The following CSF1R variants were observed in gnomAD, a reference collection of about 807,000 sequenced individuals.
CSF1R encodes colony stimulating factor 1 receptor.
A neutral mutation model predicts 110.0 loss-of-function variants in CSF1R; 40 were observed. The ratio of observed to expected loss-of-function variants is 0.36; its 90% CI spans 0.28 to 0.47. The LOEUF is 0.47. Among genes scored for constraint, CSF1R ranks in the 20% least tolerant of loss-of-function variants. The pLI, the probability that CSF1R is intolerant of heterozygous loss-of-function variation, is 0.99. For missense variants in CSF1R, 1,052 were observed against 1,253.0 expected, an observed-to-expected ratio of 0.84 and a Z score of 2.42; for synonymous variants, 523 against 503.4, an observed-to-expected ratio of 1.04 and a Z score of -0.52.
chr5:150,057,917 A>G (rs1757326782), intron 14 of CSF1R, among the ~76,000 whole-genome samples: 1 of 152,094 alleles, frequency 6.6e-6, no homozygotes, highest in African/African-American at 2.4e-5. Context: ...CTTCCCCATA[A>G]CAGCCCTACT....
chr5:150,063,325 A>C (rs1040336122), intron 10 of CSF1R, among the ~76,000 whole-genome samples: 4 of 151,572 alleles, frequency 2.6e-5, no homozygotes, highest in Admixed American at 2.6e-4. Flanking sequence ...AGAGACCCTG[A>C]GAGTTTGACA....
At chr5:150,073,208 C>G (rs1288970295) in intron 6 of CSF1R, 93 bp downstream of exon 6, 1 of 1,305,594 alleles carries the variant, frequency 7.7e-7, no homozygotes, top group Non-Finnish European at 1.1e-6. Context: ...GGTCATACAC[C>G]AAGGTTGGGA....
chr5:150,066,214 G>C (rs957845558), intron 10 of CSF1R, among the ~76,000 whole-genome samples: 4 of 152,170 alleles, frequency 2.6e-5, no homozygotes, highest in Non-Finnish European at 5.9e-5. Context: ...ACAAGAGTGT[G>C]CAGCTCCCAT....
chr5:150,088,327 G>A (rs1426409797), upstream of CSF1R, among the ~76,000 whole-genome samples: 3 of 152,088 alleles, frequency 2.0e-5, no homozygotes, highest in Admixed American at 6.5e-5. Context: ...GGACCAGATG[G>A]CTTCACTGGT....
intron 5 of CSF1R, 29 bp from the exon 6 acceptor site, chr5:150,073,522 C>T: frequency 6.3e-7 from 1 of 1,599,062 alleles, no homozygotes; most frequent in Non-Finnish European, 8.6e-7. Flanking sequence ...AAGCATCTGG[C>T]ATTAGTGGGA....
chr5:150,085,122 T>C (rs577759648), intron 1 of CSF1R, among the ~76,000 whole-genome samples: 2 of 151,670 alleles, frequency 1.3e-5, no homozygotes, highest in South Asian at 4.2e-4. Context: ...CTACTAAAAA[T>C]ACAAAAATTA....
intron 1 of CSF1R, among the ~76,000 whole-genome samples, chr5:150,101,499 G>T (rs966699946): frequency 1.3e-5 from 2 of 152,162 alleles, no homozygotes; most frequent in Non-Finnish European, 2.9e-5. Flanking sequence ...GTTGGATTTT[G>T]CCAGGCAGAG....
At chr5:150,091,168 C>A (rs1312190981), upstream of CSF1R, among the ~76,000 whole-genome samples, 4 of 152,088 alleles carry the variant, frequency 2.6e-5, no homozygotes, top group African/African-American at 9.7e-5. Context: ...GAAATTGGAA[C>A]CTTTGTACAA....
intron 10 of CSF1R, among the ~76,000 whole-genome samples, chr5:150,066,515 A>G (rs1757781825): frequency 2.0e-5 from 3 of 152,160 alleles, no homozygotes; most frequent in Non-Finnish European, 2.9e-5. Flanking sequence ...AGGGGAAACT[A>G]AGGCCCAGAG....
chr5:150,055,150 G>A (rs2113776043), intron 19 of CSF1R, 87 bp downstream of exon 19: 1 of 1,220,026 alleles, frequency 8.2e-7, no homozygotes, highest in Non-Finnish European at 1.2e-6. Flanking sequence ...ATTTTGGACA[G>A]GGAAAGATCA....
chr5:150,070,405 C>T (rs1371291378), intron 7 of CSF1R, 51 bp downstream of exon 7: 3 of 1,567,374 alleles, frequency 1.9e-6, no homozygotes, highest in African/African-American at 1.4e-5. Flanking sequence ...CCCATCCCTC[C>T]AGGCAGTCCC....
At chr5:150,097,597 G>A (rs1759270632) in intron 1 of CSF1R, among the ~76,000 whole-genome samples, 1 of 151,770 alleles carries the variant, frequency 6.6e-6, no homozygotes, top group African/African-American at 2.4e-5. Context: ...AGAATACAAG[G>A]TCAATATCAA....
In CSF1R at chr5:150,080,169, A is replaced by T; in HGVS notation, c.475T>A (p.Trp159Arg). Residue 159 changes from tryptophan (W) to arginine (R), a missense_variant, in exon 3 of 21, where the codon TGG becomes AGG. Trp to Arg is a moderately radical substitution (Grantham distance 101, BLOSUM62 -3). Transcript: ENST00000675795. ...GCCCTGTGGATGGTGAAGCCATGCC[A>T]GGGCGAGAAGGAGTAGTTGGTGTGG... ...MRHTNYSFSP[W>R]HGFTIHRAKF... is the part of the protein sequence containing the mutation. 6.2e-7 allele frequency: 1 copy of T among 1,613,964 alleles called. No homozygotes were observed. The highest frequency in any genetic ancestry group is 2.2e-5 in the East Asian group (1 of 44,882).
At chr5:150,086,668 G>A, upstream of CSF1R, 1 of 482,996 alleles carries the variant, frequency 2.1e-6, no homozygotes, top group Non-Finnish European at 3.7e-6. Flanking sequence ...ACAAAGCCTT[G>A]AACCCAAGAG....
chr5:150,055,250 C>A lies in CSF1R; in HGVS notation c.2641G>T (p.Ala881Ser). Residue 881 changes from alanine (A) to serine (S), a missense_variant, in exon 19 of 21, where the codon GCC becomes TCC. This residue lies in a region of CSF1R where 74 missense variants were observed against 187.4 expected (regional missense o/e 0.39). Transcript: ENST00000675795. ...CCCTTCGCTTACATATTCTTTGGGGCAAATGCAGGCTGGGCCATTTGGTAT... is the reference window on the plus strand; with the variant it reads ...CCCTTCGCTTACATATTCTTTGGGGAAAATGCAGGCTGGGCCATTTGGTAT... ...DGYQMAQPAF[A>S]PKNIYSIMQA... The A allele has an allele frequency of 6.2e-7, 1 of 1,614,082 alleles. No individual in the cohort carries two copies. The highest frequency in any genetic ancestry group is 1.1e-5 in the South Asian group (1 of 91,082).
At chr5:150,062,739 C>T (rs151248762) in intron 10 of CSF1R, among the ~76,000 whole-genome samples, 1 of 152,102 alleles carries the variant, frequency 6.6e-6, no homozygotes, top group African/African-American at 2.4e-5. Context: ...CTGAGAGAGG[C>T]ATTAAACGCA....
intron 1 of CSF1R, among the ~76,000 whole-genome samples, chr5:150,109,692 A>G (rs1349733223): frequency 1.3e-5 from 2 of 152,224 alleles, no homozygotes; most frequent in African/African-American, 4.8e-5. Context: ...CCAGGGCACT[A>G]TATGTACTTA....
chr5:150,091,536 A>G (rs1442920949), upstream of CSF1R, among the ~76,000 whole-genome samples: 1 of 152,218 alleles, frequency 6.6e-6, no homozygotes, highest in Non-Finnish European at 1.5e-5. Flanking sequence ...GACTCCATCT[A>G]TATGAAACAT....
intron 19 of CSF1R, 117 bp downstream of exon 19, chr5:150,055,120 A>G: frequency 1.2e-6 from 1 of 861,540 alleles, no homozygotes; most frequent in Non-Finnish European, 1.9e-6. Flanking sequence ...TATGGGAGAG[A>G]TAAAGTCTGA....
Sources: allele counts gnomAD v4.1 joint callset (sites outside exome capture counted in the v4.1 genomes callset), GRCh38; gene constraint gnomAD v4.1.1; regional missense constraint gnomAD v4.1.1; transcripts MANE v1.5; gene names NCBI Gene and HGNC (gene_info 2026-07-23, HGNC 2026-07-21).